NR6A1: variants seen among roughly 807,000 people sequenced by gnomAD.
The protein encoded by NR6A1 is retinoic acid receptor-related testis-associated receptor.
NR6A1 carries 7 observed loss-of-function variants against 59.1 expected under a neutral mutation model. That is an observed-to-expected ratio of 0.12 (90% confidence interval 0.07 to 0.22). The LOEUF (loss-of-function observed/expected upper bound fraction) is 0.22, where lower values mean the gene tolerates loss of function less well. Among genes scored for constraint, NR6A1 ranks in the 10% least tolerant of loss-of-function variants. NR6A1 has a pLI of 1.00. For synonymous variants in NR6A1, 243 were observed against 236.1 expected (o/e 1.03, Z -0.27); for missense variants, 468 against 611.6 (o/e 0.77, Z 2.48).
intron 2 of NR6A1, among the ~76,000 whole-genome samples, chr9:124,652,624 T>C (rs185322492): frequency 1.3e-5 from 2 of 152,242 alleles, no homozygotes; most frequent in Non-Finnish European, 2.9e-5. Context: ...CTTCTTTCCA[T>C]AAAATTAACT....
chr9:124,705,563 TGTCCATTATTGAAC>T (rs1210064270), intron 2 of NR6A1, among the ~76,000 whole-genome samples: 1 of 152,234 alleles, frequency 6.6e-6, no homozygotes, highest in East Asian at 1.9e-4. Context: ...ATCTAAGGTA[TGTCCATTATTGAAC>T]TGACAGCATA....
intron 3 of NR6A1, among the ~76,000 whole-genome samples, chr9:124,551,512 A>G (rs1833776393): frequency 6.6e-6 from 1 of 152,196 alleles, no homozygotes; most frequent in Non-Finnish European, 1.5e-5. Context: ...TTCCTAACAC[A>G]TAACCTTGAG....
chr9:124,648,347 A>G (rs766242954), intron 2 of NR6A1, among the ~76,000 whole-genome samples: 39 of 152,344 alleles, frequency 2.6e-4, no homozygotes, highest in Admixed American at 6.5e-4. Flanking sequence ...AAATAAATAA[A>G]TAAATAAAAT....
At chr9:124,705,776 T>TC (rs1355129032) in intron 2 of NR6A1, among the ~76,000 whole-genome samples, 22 of 130,984 alleles carry the variant, frequency 1.7e-4, no homozygotes, top group African/African-American at 4.7e-4. Flanking sequence ...ACCATTTCAA[T>TC]CCCCCCTTTT....
chr9:124,597,766 G>C (rs1452399016), intron 2 of NR6A1, among the ~76,000 whole-genome samples: 1 of 152,208 alleles, frequency 6.6e-6, no homozygotes, highest in Non-Finnish European at 1.5e-5. Context: ...GCACTTTATA[G>C]ACTCTACTGG....
chr9:124,722,358 T>G (rs1480801902), intron 2 of NR6A1, among the ~76,000 whole-genome samples: 2 of 152,216 alleles, frequency 1.3e-5, no homozygotes, highest in African/African-American at 4.8e-5. Context: ...TTAAGTTCAC[T>G]CTCTGCAGAC....
At chr9:124,528,895 C>T (rs1406634507) in intron 7 of NR6A1, among the ~76,000 whole-genome samples, 14 of 152,102 alleles carry the variant, frequency 9.2e-5, no homozygotes, top group African/African-American at 2.4e-5. Context: ...GGAAGATATG[C>T]GTAGATTATA....
intron 2 of NR6A1, among the ~76,000 whole-genome samples, chr9:124,647,948 C>T (rs908904436): frequency 3.3e-5 from 5 of 152,022 alleles, no homozygotes; most frequent in African/African-American, 1.2e-4. Flanking sequence ...CACTTCCAAA[C>T]TCATTCTAAA....
At chr9:124,741,457 A>G (rs1233516207) in intron 1 of NR6A1, among the ~76,000 whole-genome samples, 1 of 152,264 alleles carries the variant, frequency 6.6e-6, no homozygotes, top group Non-Finnish European at 1.5e-5. Flanking sequence ...CCTCGAAGGT[A>G]GAGATATGAA....
intron 1 of NR6A1, among the ~76,000 whole-genome samples, 169 bp from the exon 2 acceptor site, chr9:124,733,518 C>G (rs1006789151): frequency 1.3e-5 from 2 of 152,172 alleles, no homozygotes; most frequent in African/African-American, 4.8e-5. Context: ...GCCTCCATTT[C>G]ATCCCTTCAA....
At chr9:124,761,988 A>G (rs1840795759) in intron 1 of NR6A1, among the ~76,000 whole-genome samples, 1 of 152,248 alleles carries the variant, frequency 6.6e-6, no homozygotes, top group African/African-American at 2.4e-5. Flanking sequence ...ACTTAAAATG[A>G]TATGAACTCA....
At chr9:124,555,065 C>T (rs996263487) in intron 2 of NR6A1, among the ~76,000 whole-genome samples, 6 of 152,150 alleles carry the variant, frequency 3.9e-5, no homozygotes, top group African/African-American at 1.4e-4. Context: ...TGCTGTAAGG[C>T]ACAAATACAG....
At chr9:124,685,199 C>A (rs1447799338) in intron 2 of NR6A1, among the ~76,000 whole-genome samples, 1 of 152,134 alleles carries the variant, frequency 6.6e-6, no homozygotes, top group Non-Finnish European at 1.5e-5. Context: ...AATTACTGCA[C>A]CAGAATAATA....
intron 1 of NR6A1, among the ~76,000 whole-genome samples, chr9:124,748,712 A>G (rs1588851632): frequency 1.3e-5 from 2 of 151,928 alleles, no homozygotes; most frequent in South Asian, 4.2e-4. Context: ...TACAAAAAAA[A>G]AAATTAGCCA....
intron 2 of NR6A1, among the ~76,000 whole-genome samples, chr9:124,641,668 C>G (rs1836770441): frequency 6.6e-6 from 1 of 152,168 alleles, no homozygotes; most frequent in South Asian, 2.1e-4. Context: ...GCCTGTGCAA[C>G]ACAGTGAGAC....
At chr9:124,682,829 G>A (rs1459486397) in intron 2 of NR6A1, among the ~76,000 whole-genome samples, 1 of 152,050 alleles carries the variant, frequency 6.6e-6, no homozygotes, top group East Asian at 1.9e-4. Context: ...GAGATCTTAG[G>A]GGTCCTGATT....
At chr9:124,583,004 T>C (rs1478636377) in intron 2 of NR6A1, among the ~76,000 whole-genome samples, 1 of 152,192 alleles carries the variant, frequency 6.6e-6, no homozygotes, top group Non-Finnish European at 1.5e-5. Flanking sequence ...GTATGCTAAT[T>C]GTACAATGAA....
chr9:124,698,261 G>A (rs1462581284), intron 2 of NR6A1: 2 of 151,658 alleles, frequency 1.3e-5, no homozygotes, highest in East Asian at 1.9e-4. Context: ...TAAATCTTTC[G>A]CCTTTTAAAT....
At chr9:124,617,113 A>G (rs1835917749) in intron 2 of NR6A1, among the ~76,000 whole-genome samples, 1 of 152,180 alleles carries the variant, frequency 6.6e-6, no homozygotes, top group Admixed American at 6.5e-5. Context: ...GAGATTAGAA[A>G]CCAGACTTTT....
Sources: allele counts gnomAD v4.1 joint callset (sites outside exome capture counted in the v4.1 genomes callset), GRCh38; gene constraint gnomAD v4.1.1; transcripts MANE v1.5; gene names NCBI Gene and HGNC (gene_info 2026-07-23, HGNC 2026-07-21).